Variants in C20orf173 observed in about 807,000 individuals in gnomAD.
C20orf173 encodes uncharacterized protein C20orf173.
Under a neutral mutation model 26.7 loss-of-function variants are expected in C20orf173, and 22 were observed. The ratio of observed to expected loss-of-function variants is 0.82; its 90% confidence interval spans 0.59 to 1.18. C20orf173 has a LOEUF of 1.18. Among genes scored for constraint, C20orf173 ranks in the 50% most tolerant of loss-of-function variants. The pLI is 0.00. For synonymous variants in C20orf173, 85 were observed against 96.4 expected (o/e 0.88, Z 0.69); for missense variants, 210 against 250.3 (o/e 0.84, Z 1.09).
At chr20:35,529,525 C>G (rs2064536051) in intron 1 of C20orf173, 34 bp downstream of exon 1, 1 of 676,026 alleles carries the variant, frequency 1.5e-6, no homozygotes, top group African/African-American at 1.8e-5. Context: ...TCCTTCCAAC[C>G]CCTCCTCTCC....
chr20:35,521,162 C>G (rs114594027), downstream of C20orf173: 2,007 of 152,750 alleles, frequency 0.013, 53 homozygotes, highest in African/African-American at 0.046. Context: ...TTGGATAAGA[C>G]AAAAGATGGT....
At chr20:35,524,269 C>T (rs531168648), downstream of C20orf173, among the ~76,000 whole-genome samples, 1 of 152,164 alleles carries the variant, frequency 6.6e-6, no homozygotes, top group South Asian at 2.1e-4. Flanking sequence ...GATCTGCCTG[C>T]CTCTGCCTCC....
intron 5 of C20orf173, 89 bp downstream of exon 5, chr20:35,528,141 GCAC>G: frequency 9.4e-7 from 1 of 1,062,462 alleles, no homozygotes; most frequent in Non-Finnish European, 1.4e-6. Context: ...TGTCCTGGTT[GCAC>G]CTGGGGAGGA....
intron 1 of C20orf173, 66 bp from the exon 2 acceptor site, chr20:35,529,490 A>T (rs939455334): frequency 1.1e-6 from 1 of 921,096 alleles, no homozygotes; most frequent in Non-Finnish European, 1.6e-6. Flanking sequence ...GGCCTCCACA[A>T]CTCCCCATCC....
downstream of C20orf173, among the ~76,000 whole-genome samples, chr20:35,521,713 A>T (rs1276257546): frequency 6.6e-6 from 1 of 151,214 alleles, no homozygotes; most frequent in Non-Finnish European, 1.5e-5. Flanking sequence ...GGTTCAAGCG[A>T]TTTTCTTGCC....
chr20:35,529,344 C>A lies in C20orf173; in HGVS notation c.30G>T (p.Trp10Cys). The A allele has an allele frequency of 1.9e-6, 3 of 1,547,390 alleles. No individual in the cohort carries two copies. The highest frequency in any genetic ancestry group is 2.6e-6 in the Non-Finnish European group (3 of 1,144,724). The change falls in exon 2 of 6, where the codon TGG (tryptophan) becomes TGT (cysteine). Residue 10 changes from tryptophan to cysteine, a missense_variant. By Grantham distance (215) the Trp-to-Cys change is radical. Coordinates refer to ENST00000444723, the MANE Select transcript of C20orf173 (RefSeq NM_001145350.2). ...GCCAGAGGATGAGCACCCAAAAGAC[C>A]CACAGGACAAAAATCTGCCAGCGCT... Reference protein sequence around the residue: MKRWQIFVLWVFWVLILWLM... With the variant: MKRWQIFVLCVFWVLILWLM...
At chr20:35,528,316 G>A in intron 4 of C20orf173, 32 bp from the exon 5 acceptor site, 1 of 1,551,794 alleles carries the variant, frequency 6.4e-7, no homozygotes, top group Admixed American at 2.0e-5. Context: ...GGGAGTTTGG[G>A]CCACAAGACC....
Position 35,528,753 on chromosome 20 carries a change from G to A in C20orf173, c.436C>T (p.Pro146Ser). Residue 146 changes from proline (P) to serine (S), a missense_variant, in exon 3 of 6, where the codon CCG becomes TCG. Coordinates refer to ENST00000444723, the MANE Select transcript of C20orf173 (RefSeq NM_001145350.2). Reference sequence around the variant, plus strand: ...TCGTTGCCAAGGCTGGAGCCCTGCGGGATCTGTGGGCGCCCCAACAGCACA... The same window carrying A: ...TCGTTGCCAAGGCTGGAGCCCTGCGAGATCTGTGGGCGCCCCAACAGCACA... Reference protein sequence around the residue: ...TCVLLGRPQIPQGSSLGNDID... With the variant: ...TCVLLGRPQISQGSSLGNDID... 1 of 1,547,688 alleles carries A rather than the reference G, an allele frequency of 6.5e-7. No individual in the cohort carries two copies. Among genetic ancestry groups the A allele is most frequent in the South Asian group, 1.2e-5 (1 of 83,786 alleles).
chr20:35,526,644 AAAAAAAG>A (rs1248633669), downstream of C20orf173, among the ~76,000 whole-genome samples: 5 of 151,466 alleles, frequency 3.3e-5, no homozygotes, highest in Admixed American at 6.6e-5. Context: ...AAAAAAAAAA[AAAAAAAG>A]CGAATTGGAA....
rs2035731442 is a variant in C20orf173 at position 35,529,383 on chromosome 20, A to G, written c.-10T>C. The G allele has an allele frequency of 1.3e-6, 2 of 1,526,588 alleles. No homozygotes were observed. The highest frequency in any genetic ancestry group is 1.8e-6 in the Non-Finnish European group (2 of 1,135,858). The allele number at this position is 1,526,588 out of a possible 1,614,324, so 94.6% of individuals were successfully genotyped here. On this transcript the variant is annotated 5_prime_UTR_variant, in exon 2 of 6. Transcript: ENST00000444723. ...TCTGCCAGCGCTTCATGTCTGGCCC[A>G]GGCGGTGGCTCCCGTGGTGGGCCGT...
rs1473203075 is a variant in C20orf173 at position 35,529,160 on chromosome 20, C to A, written c.214G>T (p.Glu72Ter). Residue 72 changes from glutamate to a stop codon, truncating the protein, a stop_gained, in exon 2 of 6, where the codon GAA becomes TAA. Coordinates refer to ENST00000444723, the MANE Select transcript of C20orf173 (RefSeq NM_001145350.2). LOFTEE classifies it high-confidence loss of function. ...GAGCACGCATCAAGCCAGTTCCATT[C>A]GTCGGCTGTGTGGTGGCAGGAGGAG... The part of the protein sequence containing the change: ...NCSSCHHTAD[E>*]WNWLDACSRK... 1 of 1,551,566 alleles carries A rather than the reference C, an allele frequency of 6.4e-7. No homozygotes were observed. Among genetic ancestry groups the A allele is most frequent in the Non-Finnish European group, 8.7e-7 (1 of 1,146,992 alleles).
chr20:35,521,335 C>T (rs905138111), downstream of C20orf173, among the ~76,000 whole-genome samples: 4 of 152,162 alleles, frequency 2.6e-5, no homozygotes, highest in African/African-American at 9.6e-5. Context: ...TCATAGTGAC[C>T]CCAGAGCCCA....
chr20:35,528,148 G>T, intron 5 of C20orf173, 85 bp downstream of exon 5: 1 of 1,158,412 alleles, frequency 8.6e-7, no homozygotes, highest in Non-Finnish European at 1.3e-6. Flanking sequence ...GTTGCACCTG[G>T]GGAGGAAGGG....
downstream of C20orf173, among the ~76,000 whole-genome samples, chr20:35,524,792 G>A (rs373722586): frequency 1.3e-5 from 2 of 151,004 alleles, no homozygotes; most frequent in African/African-American, 4.9e-5. Context: ...TCTGCCTCCC[G>A]GGTTCAAGCA....
downstream of C20orf173, among the ~76,000 whole-genome samples, chr20:35,521,809 T>C (rs2064477156): frequency 6.6e-6 from 1 of 152,066 alleles, no homozygotes; most frequent in African/African-American, 2.4e-5. Context: ...CGTTTCTCCA[T>C]GTTGGTCAGG....
intron 2 of C20orf173, 38 bp from the exon 3 acceptor site, chr20:35,528,917 G>T: frequency 6.4e-7 from 1 of 1,550,572 alleles, no homozygotes. Flanking sequence ...GCTGGGCCCA[G>T]GGGAGAGAAA....
rs768022942 is a variant in C20orf173, at chr20:35,528,724, G to A, written c.465C>T (p.Ile155=). ...IPQGSSLGND[I]DQYPVVFRNA... Reference sequence around the variant, plus strand: ...ACCTGAAAACCACGGGGTATTGGTCGATGTCGTTGCCAAGGCTGGAGCCCT... The same window carrying A: ...ACCTGAAAACCACGGGGTATTGGTCAATGTCGTTGCCAAGGCTGGAGCCCT... The change falls in exon 3 of 6, where the codon ATC becomes ATT. Residue 155 remains isoleucine (I), a synonymous_variant. Transcript: ENST00000444723. 21 of 1,538,402 alleles carry A rather than the reference G, an allele frequency of 1.4e-5. No individual in the cohort carries two copies. Among genetic ancestry groups the A allele is most frequent in the Middle Eastern group, 1.7e-4 (1 of 5,906 alleles).
At chr20:35,524,962 G>T (rs1256449850), downstream of C20orf173, among the ~76,000 whole-genome samples, 1 of 151,894 alleles carries the variant, frequency 6.6e-6, no homozygotes, top group Non-Finnish European at 1.5e-5. Context: ...GCCTCCCAAA[G>T]TGCTGGGATT....
downstream of C20orf173, among the ~76,000 whole-genome samples, chr20:35,521,694 C>T (rs186958753): frequency 5.3e-3 from 800 of 151,782 alleles, 1 homozygote; most frequent in African/African-American, 0.018. Context: ...CCGCAACCTC[C>T]GCCTCCCAGG....
Sources: allele counts gnomAD v4.1 joint callset (sites outside exome capture counted in the v4.1 genomes callset), GRCh38; gene constraint gnomAD v4.1.1; transcripts MANE v1.5; gene names NCBI Gene and HGNC (gene_info 2026-07-23, HGNC 2026-07-21).